DOK3: variants seen among roughly 807,000 people sequenced by gnomAD.
The protein encoded by DOK3 is Dok-like protein.
In DOK3, 23 loss-of-function variants were observed where a neutral mutation model predicts 26.2. The observed-to-expected ratio is 0.88, with a 90% CI of 0.63 to 1.24. The LOEUF (loss-of-function observed/expected upper bound fraction) is 1.24. DOK3 is among the 50% of genes most tolerant of loss of function. The pLI, the probability that DOK3 is intolerant of heterozygous loss-of-function variation, is 0.00. For synonymous variants in DOK3, 268 were observed against 268.2 expected (o/e 1.00, Z 0.01); for missense variants, 619 against 610.6 (o/e 1.01, Z -0.15).
intron 2 of DOK3, 191 bp from the exon 3 acceptor site, chr5:177,508,733 G>A (rs992598270): frequency 5.5e-6 from 3 of 550,368 alleles, no homozygotes; most frequent in Non-Finnish European, 9.3e-6. Context: ...ATCCCAGCCC[G>A]CTCTTTCCTA....
At chr5:177,506,332 C>CT (rs56332126) in intron 3 of DOK3, among the ~76,000 whole-genome samples, 119,257 of 140,956 alleles carry the variant, frequency 0.85, 51,496 homozygotes, top group Non-Finnish European at 0.93. Context: ...AACCATCTTA[C>CT]TTTTTTTTTT....
chr5:177,508,220 C>T lies in DOK3; in HGVS notation c.372+17G>A, dbSNP rs774341441. The T allele has an allele frequency of 6.9e-7, 1 of 1,449,838 alleles. No homozygotes were observed. Among genetic ancestry groups the T allele is most frequent in the Non-Finnish European group, 9.1e-7 (1 of 1,095,666 alleles). The allele number at this position is 1,449,838 out of a possible 1,614,324, so 89.8% of individuals were successfully genotyped here. ...CAGGTGCCCCAGCCCAATCGCCCCC[C>T]TGCTCGCCGCACTCACCGGGAAGGC... On this transcript the variant is annotated intron_variant, in intron 3 of 5. Coordinates refer to ENST00000510898, the MANE Select transcript of DOK3 (RefSeq NM_001308236.3).
chr5:177,509,198 G>C, intron 2 of DOK3: 1 of 405,510 alleles, frequency 2.5e-6, no homozygotes. Flanking sequence ...AGGCTGTGAA[G>C]CTCTTCCCTG....
chr5:177,503,661 C>T lies in DOK3; in HGVS notation c.*322G>A, dbSNP rs535620357. The T allele has an allele frequency of 3.3e-5, 45 of 1,363,150 alleles. No individual in the cohort carries two copies. The highest frequency in any genetic ancestry group is 2.5e-4 in the African/African-American group (17 of 68,348). 84.4% of individuals were successfully genotyped at this position (1,363,150 alleles called of 1,614,324 possible). ...GTCTGCTGCAGTGGGTTTGAGCCCACGGGTGGCAGGTAAGGCCCAGGTCAC... is the reference window on the plus strand; with the variant it reads ...GTCTGCTGCAGTGGGTTTGAGCCCATGGGTGGCAGGTAAGGCCCAGGTCAC... On this transcript the variant is annotated 3_prime_UTR_variant, in exon 6 of 6. Transcript: ENST00000510898.
chr5:177,504,583 A>T lies in DOK3; in HGVS notation c.723T>A (p.Pro241=). The change falls in exon 6 of 6, where the codon CCT becomes CCA. Residue 241 remains proline (P), a synonymous_variant. Transcript: ENST00000510898. ...GLFAFSTPCA[P]DLCRAVAGAI... ...CCCCGGCCACAGCCCTGCACAGGTC[A>T]GGGGCACAGGGGGTGCTGAAGGCAA... The T allele has an allele frequency of 1.2e-6, 2 of 1,606,744 alleles. No homozygotes were observed. The highest frequency in any genetic ancestry group is 8.5e-7 in the Non-Finnish European group (1 of 1,177,810).
At chr5:177,507,887 C>T (rs574681899) in intron 3 of DOK3, among the ~76,000 whole-genome samples, 2 of 152,346 alleles carry the variant, frequency 1.3e-5, no homozygotes, top group African/African-American at 4.8e-5. Flanking sequence ...CCCTTAAACA[C>T]CCCACACTGT....
In DOK3 at chr5:177,508,430, G is replaced by A. The variant is rs762031427; in HGVS notation, c.179C>T (p.Ser60Leu). The A allele has an allele frequency of 1.5e-5, 24 of 1,600,928 alleles. No homozygotes were observed. The Admixed American group carries it at 1.5e-4, about 10-fold the overall frequency. ...DGGLGAAGDR[S>L]AGPGRRGERR... ...CTCCCCTCGCCGGCCAGGCCCTGCCGACCTGTCACCCGCTGCTCCCAGGCC... is the reference window on the plus strand; with the variant it reads ...CTCCCCTCGCCGGCCAGGCCCTGCCAACCTGTCACCCGCTGCTCCCAGGCC... The change falls in exon 3 of 6, where the codon TCG becomes TTG. Residue 60 changes from serine to leucine, a missense_variant. Coordinates refer to ENST00000510898, the MANE Select transcript of DOK3 (RefSeq NM_001308236.3).
intron 3 of DOK3, among the ~76,000 whole-genome samples, chr5:177,506,332 C>CTT (rs56332126): frequency 0.12 from 16,217 of 140,956 alleles, 1,406 homozygotes; most frequent in African/African-American, 0.22. Flanking sequence ...AACCATCTTA[C>CTT]TTTTTTTTTT....
At position 177,503,628 on chromosome 5, in the gene DOK3, TCCCG is replaced by T. The variant is rs1759601538; in HGVS notation, c.*351_*354del. 2 of 1,294,558 alleles carry T rather than the reference TCCCG, an allele frequency of 1.5e-6. No individual in the cohort carries two copies. Among genetic ancestry groups the T allele is most frequent in the South Asian group, 3.4e-5 (2 of 59,588 alleles). The allele number at this position is 1,294,558 out of a possible 1,614,324, so 80.2% of individuals were successfully genotyped here. A position where few individuals can be genotyped will look rare whatever the true frequency, so the allele number is the denominator to read the frequency against. ...CAACATGGAGTCCTAATGATTTCCA[TCCCG>T]TCTGTCTGCTGCAGTGGGTTTGAGC... On this transcript the variant is annotated 3_prime_UTR_variant, in exon 6 of 6. Transcript: ENST00000510898.
At chr5:177,505,775 C>T (rs977998301) in intron 3 of DOK3, among the ~76,000 whole-genome samples, 22 of 151,586 alleles carry the variant, frequency 1.5e-4, no homozygotes, top group African/African-American at 2.4e-4. Context: ...TCACTCTTGT[C>T]GCCCAGGCTG....
At chr5:177,505,795 G>C (rs1282195651) in intron 3 of DOK3, among the ~76,000 whole-genome samples, 1 of 151,728 alleles carries the variant, frequency 6.6e-6, no homozygotes, top group Non-Finnish European at 1.5e-5. Context: ...GGAGTGCAGT[G>C]GCGCGATCTT....
rs1760658178 is a variant in DOK3 at position 177,509,257 on chromosome 5, T to C, written c.66+218A>G. 5.6e-6 allele frequency: 3 copies of C among 538,432 alleles called. No homozygotes were observed. The South Asian group carries it at 7.7e-5, about 14-fold the overall frequency. The allele number at this position is 538,432 out of a possible 1,614,324, so 33.4% of individuals were successfully genotyped here. A position where few individuals can be genotyped will look rare whatever the true frequency, so the allele number is the denominator to read the frequency against. ...CTCTCCCACTCCTGTATTTCCCATC[T>C]CTCCCGGAGGCAGGGTCTGGCAGAG... is the stretch of plus-strand genomic sequence containing the variant. On this transcript the variant is annotated intron_variant, in intron 2 of 5. Transcript: ENST00000510898.
rs1760661539 is a variant in DOK3 at position 177,509,274 on chromosome 5, C to G, written c.66+201G>C. On this transcript the variant is annotated intron_variant, in intron 2 of 5. Coordinates refer to ENST00000510898, the MANE Select transcript of DOK3 (RefSeq NM_001308236.3). ...TTCCCATCTCTCCCGGAGGCAGGGT[C>G]TGGCAGAGCCTGCTCAGCCCCTGCC... 5.0e-6 allele frequency: 3 copies of G among 594,432 alleles called. No individual in the cohort carries two copies. In the South Asian group the frequency reaches 6.9e-5, roughly 14 times the overall value. 36.8% of individuals were successfully genotyped at this position (594,432 alleles called of 1,614,324 possible).
At chr5:177,509,908 A>G (rs1760782086), upstream of DOK3, 3 of 1,598,770 alleles carry the variant, frequency 1.9e-6, no homozygotes, top group East Asian at 2.3e-5. Context: ...TGGGCCTGAC[A>G]CTCCCTGGCC....
chr5:177,510,908 G>GTTCCCTGCCTACCGT (rs72595470), upstream of DOK3: 1 of 152,288 alleles, frequency 6.6e-6, no homozygotes, highest in Admixed American at 6.5e-5. Flanking sequence ...CGCCTGTGCC[G>GTTCCCTGCCTACCGT]TCCCTGCCTA....
At chr5:177,508,631 C>A in intron 2 of DOK3, 89 bp from the exon 3 acceptor site, 1 of 1,381,352 alleles carries the variant, frequency 7.2e-7, no homozygotes, top group African/African-American at 1.5e-5. Context: ...GCAAACGCTC[C>A]CAGCCAGGAG....
At position 177,509,646 on chromosome 5, in the gene DOK3, G is replaced by T. The variant is rs200684546; in HGVS notation, c.-106C>A. ...CCTTCTGGCCACTTCCCGTCCCTCC[G>T]TCTAGAGACAGCTGCAGGCCGGGGG... On this transcript the variant is annotated 5_prime_UTR_variant, in exon 2 of 6. Coordinates refer to ENST00000510898, the MANE Select transcript of DOK3 (RefSeq NM_001308236.3). 6.3e-7 allele frequency: 1 copy of T among 1,588,472 alleles called. No homozygotes were observed.
chr5:177,509,820 C>A lies in DOK3; in HGVS notation c.-180G>T, dbSNP rs368467660. ...CACGCACCTGGTTCAGCTGGGCACG[C>A]GCGTCTGATCGCAGTCTGGCTCCCC... On this transcript the variant is annotated 5_prime_UTR_variant, in exon 1 of 6. Transcript: ENST00000510898. The A allele has an allele frequency of 6.2e-7, 1 of 1,611,422 alleles. No individual in the cohort carries two copies. Among genetic ancestry groups the A allele is most frequent in the Non-Finnish European group, 8.5e-7 (1 of 1,179,962 alleles).
intron 5 of DOK3, 38 bp downstream of exon 5, chr5:177,504,705 G>C (rs179810): frequency 0.5 from 802,062 of 1,613,602 alleles, 202,219 homozygotes; most frequent in Admixed American, 0.58. Flanking sequence ...AGGGTCCAGG[G>C]TGTCAGCCCC....
Sources: allele counts gnomAD v4.1 joint callset (sites outside exome capture counted in the v4.1 genomes callset), GRCh38; gene constraint gnomAD v4.1.1; transcripts MANE v1.5; gene names NCBI Gene and HGNC (gene_info 2026-07-23, HGNC 2026-07-21).